The following MROH9 variants were observed in gnomAD, a reference collection of about 807,000 sequenced individuals.
MROH9 encodes maestro heat like repeat family member 9, also known as maestro heat-like repeat-containing protein family member 9.
In MROH9, 92 loss-of-function variants were observed where a neutral mutation model predicts 98.2. That is an observed-to-expected ratio of 0.94 (90% CI 0.79 to 1.11). The LOEUF (loss-of-function observed/expected upper bound fraction) is 1.11, where lower values mean the gene tolerates loss of function less well. MROH9 is among the 50% of genes most tolerant of loss of function. The pLI is 0.00. For missense variants in MROH9, 1,057 were observed against 1,014.8 expected (o/e 1.04, Z -0.57); for synonymous variants, 397 against 368.9 (o/e 1.08, Z -0.87).
chr1:171,017,341 C>G (rs570307133), intron 17 of MROH9, among the ~76,000 whole-genome samples: 2 of 152,194 alleles, frequency 1.3e-5, no homozygotes, highest in East Asian at 3.9e-4. Context: ...GACAGCCACA[C>G]GGGCCAGGGG....
chr1:170,957,439 A>G (rs1649807951), intron 3 of MROH9, among the ~76,000 whole-genome samples: 1 of 152,142 alleles, frequency 6.6e-6, no homozygotes. Context: ...TCCTTTGCCC[A>G]TTGTGAATTC....
In MROH9 at chr1:171,025,421, G is replaced by A; in HGVS notation, c.2281+1G>A. 4.6e-6 allele frequency: 7 copies of A among 1,522,646 alleles called. No individual in the cohort carries two copies. The highest frequency in any genetic ancestry group is 6.2e-6 in the Non-Finnish European group (7 of 1,121,556). 94.3% of individuals were successfully genotyped at this position (1,522,646 alleles called of 1,614,324 possible). A position where few individuals can be genotyped will look rare whatever the true frequency, so the allele number is the denominator to read the frequency against. ...AAGAGGGCATCGGTTATTTTGATAG[G>A]TAAATATAATTCAGTTCTCAATTCC... On this transcript the variant is annotated splice_donor_variant, in intron 20 of 21. Transcript: ENST00000367759. LOFTEE classifies it high-confidence loss of function.
chr1:170,982,441 T>C (rs1341702086), intron 8 of MROH9, among the ~76,000 whole-genome samples: 1 of 152,108 alleles, frequency 6.6e-6, no homozygotes, highest in Admixed American at 6.6e-5. Flanking sequence ...GTGGTTGCCT[T>C]GGAGTCAGAG....
chr1:170,997,405 T>C (rs531625705), intron 14 of MROH9, among the ~76,000 whole-genome samples: 1 of 152,222 alleles, frequency 6.6e-6, no homozygotes, highest in East Asian at 1.9e-4. Context: ...TTACTCAAAG[T>C]GGGGTCCACA....
intron 15 of MROH9, among the ~76,000 whole-genome samples, chr1:171,004,877 G>A (rs139403684): frequency 1.3e-5 from 2 of 152,144 alleles, no homozygotes; most frequent in African/African-American, 2.4e-5. Context: ...GACTACTATA[G>A]CTTTGTAATA....
chr1:170,970,727 T>TGAGAGAGA (rs1460980153), intron 7 of MROH9, among the ~76,000 whole-genome samples: 18 of 124,360 alleles, frequency 1.4e-4, no homozygotes, highest in African/African-American at 5.5e-4. Context: ...TGTGTGTGTG[T>TGAGAGAGA]GTGTGAGAGA....
intron 15 of MROH9, among the ~76,000 whole-genome samples, chr1:171,008,635 A>G (rs1212766663): frequency 1.3e-5 from 2 of 152,220 alleles, no homozygotes; most frequent in Non-Finnish European, 2.9e-5. Context: ...ACACACCTGT[A>G]GTCACAGCTA....
chr1:170,976,406 C>A (rs1444443220), intron 8 of MROH9, among the ~76,000 whole-genome samples: 1 of 152,070 alleles, frequency 6.6e-6, no homozygotes, highest in African/African-American at 2.4e-5. Flanking sequence ...ACTTAGGAAG[C>A]TTAGTTGAGC....
intron 15 of MROH9, among the ~76,000 whole-genome samples, chr1:171,010,717 G>T (rs886378350): frequency 4.6e-5 from 7 of 152,120 alleles, no homozygotes; most frequent in African/African-American, 1.7e-4. Flanking sequence ...ATGTCTGTTG[G>T]CTGCATAAAT....
chr1:171,034,809 C>G (rs1653043419), intron 20 of MROH9, among the ~76,000 whole-genome samples: 7 of 152,138 alleles, frequency 4.6e-5, no homozygotes, highest in Admixed American at 4.6e-4. Flanking sequence ...TATTATAAAG[C>G]TACAGAATTT....
In MROH9 at chr1:170,971,899, C is replaced by T. The variant is rs1650475647; in HGVS notation, c.616+16C>T. 1 of 1,610,768 alleles carries T rather than the reference C, an allele frequency of 6.2e-7. No homozygotes were observed. The highest frequency in any genetic ancestry group is 8.5e-7 in the Non-Finnish European group (1 of 1,177,512). ...TGTCAGAACGGTAAGAACAGTTCAC[C>T]ATCTTTTCTCAGGATTACTAAGAAT... On this transcript the variant is annotated intron_variant, in intron 8 of 21. Coordinates refer to ENST00000367759, the MANE Select transcript of MROH9 (RefSeq NM_001163629.2).
rs192384213 is a variant in MROH9, at chr1:171,027,230, G to T, written c.2281+1810G>T. 1.2e-3 allele frequency among the ~76,000 whole-genome samples: 182 copies of T among 152,256 alleles called. 1 individual carries two copies. The highest frequency in any genetic ancestry group is 4.0e-3 in the African/African-American group (166 of 41,546). ...AACCCCCACCTCCCAACAGGCTCTG[G>T]TGTATGTTGTTCCCCTCCCTTTGTC... On this transcript the variant is annotated intron_variant, in intron 20 of 21. Coordinates refer to ENST00000367759, the MANE Select transcript of MROH9 (RefSeq NM_001163629.2).
chr1:171,006,807 G>T (rs1651967386), intron 15 of MROH9, among the ~76,000 whole-genome samples: 1 of 145,618 alleles, frequency 6.9e-6, no homozygotes, highest in South Asian at 2.4e-4. Context: ...CAGCTCCAGG[G>T]TTTCTGTTTT....
chr1:170,995,326 T>C lies in MROH9; in HGVS notation c.1195-63T>C. On this transcript the variant is annotated intron_variant, in intron 12 of 21. Coordinates refer to ENST00000367759, the MANE Select transcript of MROH9 (RefSeq NM_001163629.2). Reference sequence around the variant, plus strand: ...AGAGTCACTCTCTTGCTCCCCTCAGTAAGGTTGACCGGGTTTAGAGAAAAA... The same window carrying C: ...AGAGTCACTCTCTTGCTCCCCTCAGCAAGGTTGACCGGGTTTAGAGAAAAA... 1.9e-6 allele frequency: 3 copies of C among 1,587,440 alleles called. No individual in the cohort carries two copies. The South Asian group carries it at 3.4e-5, about 18-fold the overall frequency.
At chr1:171,051,982 T>TA (rs1422966795) in intron 20 of MROH9, among the ~76,000 whole-genome samples, 1 of 152,164 alleles carries the variant, frequency 6.6e-6, no homozygotes, top group Non-Finnish European at 1.5e-5. Context: ...TGGTATCAGT[T>TA]ATTGCTTGTA....
chr1:170,987,455 A>G (rs1651184406), intron 10 of MROH9, among the ~76,000 whole-genome samples: 2 of 152,194 alleles, frequency 1.3e-5, no homozygotes, highest in Non-Finnish European at 2.9e-5. Context: ...AATGTCATTA[A>G]ATGTGTAAGC....
intron 1 of MROH9, among the ~76,000 whole-genome samples, chr1:170,938,962 C>G (rs1001422283): frequency 1.3e-5 from 2 of 152,218 alleles, no homozygotes; most frequent in African/African-American, 4.8e-5. Context: ...ACATCCCTGA[C>G]ACTATGGCTA....
intron 10 of MROH9, 123 bp from the exon 11 acceptor site, chr1:170,989,732 G>C: frequency 1.3e-6 from 1 of 784,876 alleles, no homozygotes; most frequent in Non-Finnish European, 2.1e-6. Context: ...GTGCTTATCT[G>C]TATGTTAGTT....
chr1:171,031,792 T>C (rs2101849512), intron 20 of MROH9, among the ~76,000 whole-genome samples: 1 of 152,254 alleles, frequency 6.6e-6, no homozygotes, highest in Admixed American at 6.5e-5. Flanking sequence ...TTAGTGGTGT[T>C]CTCTGTATTT....
Sources: gnomAD v4.1 joint callset for allele counts (sites outside exome capture counted in the v4.1 genomes callset) on GRCh38, gnomAD v4.1.1 for gene constraint, MANE v1.5 for transcripts, NCBI Gene and HGNC (gene_info 2026-07-23, HGNC 2026-07-21) for gene names.